Variants in TNRC6C observed in about 807,000 individuals in gnomAD.
The protein encoded by TNRC6C is trinucleotide repeat containing adaptor 6C.
TNRC6C carries 20 observed loss-of-function variants against 153.7 expected under a neutral mutation model. The observed-to-expected ratio is 0.13, with a 90% CI of 0.09 to 0.19. The LOEUF (loss-of-function observed/expected upper bound fraction) is 0.19, where lower values mean the gene tolerates loss of function less well. Ranked by LOEUF, TNRC6C falls within the 10% of genes least tolerant of loss-of-function variation. The pLI is 1.00. For synonymous variants in TNRC6C, 811 were observed against 841.4 expected (o/e 0.96, Z 0.63); for missense variants, 1,987 against 2,172.0 (o/e 0.91, Z 1.69).
intron 4 of TNRC6C, 138 bp downstream of exon 6, chr17:78,065,075 A>G: frequency 1.0e-6 from 1 of 995,166 alleles, no homozygotes; most frequent in Non-Finnish European, 1.5e-6. Flanking sequence ...TTGGCCAAGC[A>G]CAGTGCCTCA....
upstream of TNRC6C, among the ~76,000 whole-genome samples, chr17:78,001,560 T>C (rs1052161221): frequency 6.6e-6 from 1 of 152,152 alleles, no homozygotes; most frequent in Non-Finnish European, 1.5e-5. Flanking sequence ...AGATTGGACA[T>C]CTCAGTAGGG....
chr17:77,992,973 A>AT (rs1014818131), intron 1 of TNRC6C, among the ~76,000 whole-genome samples: 70 of 149,894 alleles, frequency 4.7e-4, no homozygotes, highest in East Asian at 1.6e-3. Flanking sequence ...TTTTATTTTT[A>AT]TTTTTTTTTT....
intron 1 of TNRC6C, among the ~76,000 whole-genome samples, chr17:78,010,317 C>T (rs2071603552): frequency 6.6e-6 from 1 of 152,132 alleles, no homozygotes; most frequent in South Asian, 2.1e-4. Flanking sequence ...TAATGTAAGT[C>T]AGTTGAAGCC....
chr17:77,962,133 G>A (rs1355825159), intron 1 of TNRC6C, among the ~76,000 whole-genome samples: 1 of 152,194 alleles, frequency 6.6e-6, no homozygotes, highest in Non-Finnish European at 1.5e-5. Context: ...GCCCAGGAAA[G>A]TGATGCTAAC....
At chr17:78,100,989 TG>T (rs1029247960) in intron 17 of TNRC6C, among the ~76,000 whole-genome samples, 1 of 152,122 alleles carries the variant, frequency 6.6e-6, no homozygotes, top group African/African-American at 2.4e-5. Flanking sequence ...TTGGCCAGGC[TG>T]GTCTCAAACT....
chr17:78,105,014 G>A, exon 20 of TNRC6C: 2 of 807,010 alleles, frequency 2.5e-6, no homozygotes, highest in East Asian at 6.7e-5. Context: ...GCAAAACAGT[G>A]CGGGCTGCGG....
At chr17:77,971,461 C>T (rs2070939295) in intron 1 of TNRC6C, among the ~76,000 whole-genome samples, 1 of 152,182 alleles carries the variant, frequency 6.6e-6, no homozygotes, top group African/African-American at 2.4e-5. Flanking sequence ...ACCTAGACTG[C>T]TCCCCAGACT....
chr17:77,972,871 T>C (rs1221468535), intron 1 of TNRC6C, among the ~76,000 whole-genome samples: 1 of 152,216 alleles, frequency 6.6e-6, no homozygotes, highest in Non-Finnish European at 1.5e-5. Flanking sequence ...GTTACCACGA[T>C]GCCAGAGCCA....
exon 20 of TNRC6C, chr17:78,106,158 C>G (rs1049323365): frequency 2.0e-5 from 3 of 151,718 alleles, no homozygotes; most frequent in African/African-American, 7.3e-5. Context: ...TGGGTTGTGA[C>G]TGCTTTTGGG....
intron 1 of TNRC6C, among the ~76,000 whole-genome samples, chr17:77,976,450 C>T (rs982096318): frequency 6.6e-6 from 1 of 152,194 alleles, no homozygotes; most frequent in East Asian, 1.9e-4. Flanking sequence ...ATTGTCAGTT[C>T]AGTTTACTGT....
chr17:78,018,527 A>T (rs1052575887), intron 1 of TNRC6C, among the ~76,000 whole-genome samples: 18 of 152,168 alleles, frequency 1.2e-4, no homozygotes, highest in African/African-American at 4.3e-4. Context: ...ATAGGTGGGG[A>T]TATTGACATG....
At chr17:78,042,414 A>T (rs935339443) in intron 2 of TNRC6C, among the ~76,000 whole-genome samples, 1 of 152,168 alleles carries the variant, frequency 6.6e-6, no homozygotes, top group African/African-American at 2.4e-5. Flanking sequence ...CTTCATCTGT[A>T]AAACTGACAT....
chr17:78,069,377 A>C (rs942550504), intron 5 of TNRC6C, among the ~76,000 whole-genome samples: 2 of 152,038 alleles, frequency 1.3e-5, no homozygotes, highest in African/African-American at 4.8e-5. Context: ...TCTCAGACCC[A>C]CAGAAAGCCA....
At chr17:78,001,724 T>TA (rs1420714411), upstream of TNRC6C, among the ~76,000 whole-genome samples, 1 of 152,132 alleles carries the variant, frequency 6.6e-6, no homozygotes, top group Non-Finnish European at 1.5e-5. Flanking sequence ...TTTATACAGT[T>TA]ACACGAGCAG....
chr17:78,006,254 G>A (rs1381161572), intron 1 of TNRC6C, among the ~76,000 whole-genome samples: 1 of 152,180 alleles, frequency 6.6e-6, no homozygotes, highest in Non-Finnish European at 1.5e-5. Context: ...TGAAGAGAGG[G>A]AGTTAATGCT....
In TNRC6C at chr17:78,079,279, T is replaced by C; in HGVS notation, c.3211-116T>C. On this transcript the variant is annotated intron_variant, in intron 9 of 19. Coordinates refer to ENST00000301624, the Ensembl canonical transcript of TNRC6C. This position sits in a 1 kb window ranked among gnomAD's most constrained non-coding sequence, Gnocchi z 4.3. ...AATTCTCTTGGGTACAAGTTGACAG[T>C]GGTAGGAAGTAGAAACAATTTTGCA... 2 of 1,446,942 alleles carry C rather than the reference T, an allele frequency of 1.4e-6. No homozygotes were observed. Among genetic ancestry groups the C allele is most frequent in the Non-Finnish European group, 1.9e-6 (2 of 1,065,312 alleles). The allele number at this position is 1,446,942 out of a possible 1,614,324, so 89.6% of individuals were successfully genotyped here.
chr17:78,003,160 G>A (rs1478126344), upstream of TNRC6C, among the ~76,000 whole-genome samples: 2 of 152,086 alleles, frequency 1.3e-5, no homozygotes, highest in Non-Finnish European at 2.9e-5. Flanking sequence ...ATTTGAGGTT[G>A]GACTGGTAAA....
At chr17:77,964,589 A>AT in intron 1 of TNRC6C, among the ~76,000 whole-genome samples, 1 of 152,324 alleles carries the variant, frequency 6.6e-6, no homozygotes, top group Non-Finnish European at 1.5e-5. Context: ...CCCAAAGATC[A>AT]TTTCTTTTTA....
At chr17:78,101,512 C>T (rs1281504182) in intron 17 of TNRC6C, among the ~76,000 whole-genome samples, 1 of 152,118 alleles carries the variant, frequency 6.6e-6, no homozygotes, top group African/African-American at 2.4e-5. Flanking sequence ...GAGACCCTAA[C>T]CCAGAGGCAC....
Sources: gnomAD v4.1 joint callset for allele counts (sites outside exome capture counted in the v4.1 genomes callset) on GRCh38, gnomAD v4.1.1 for gene constraint, Gnocchi (gnomAD v3.1) non-coding constraint, MANE v1.5 for transcripts, NCBI Gene and HGNC (gene_info 2026-07-23, HGNC 2026-07-21) for gene names.